Variants in PGGT1B observed in about 807,000 individuals in gnomAD.
PGGT1B encodes protein geranylgeranyltransferase type I subunit beta, also known as geranylgeranyl transferase type-1 subunit beta.
Under a neutral mutation model 46.1 loss-of-function variants are expected in PGGT1B, and 30 were observed. The observed-to-expected ratio is 0.65, with a 90% CI of 0.49 to 0.88. The LOEUF is 0.88. PGGT1B is among the 40% of genes least tolerant of loss of function. The pLI, the probability that PGGT1B is intolerant of heterozygous loss-of-function variation, is 0.00. For missense variants in PGGT1B, 376 were observed against 455.9 expected (o/e 0.82, Z 1.60); for synonymous variants, 170 against 160.0 (o/e 1.06, Z -0.47).
At chr5:115,224,023 A>G (rs952508099) in intron 6 of PGGT1B, among the ~76,000 whole-genome samples, 2 of 152,332 alleles carry the variant, frequency 1.3e-5, no homozygotes, top group East Asian at 3.9e-4. Flanking sequence ...GGTAGTTATC[A>G]TATTAGAAGT....
chr5:115,241,699 T>C, intron 2 of PGGT1B, 93 bp from the exon 3 acceptor site: 3 of 844,260 alleles, frequency 3.6e-6, no homozygotes, highest in East Asian at 3.1e-5. Flanking sequence ...AGAAACAGAC[T>C]ATTTTAGTCT....
chr5:115,218,631 G>C (rs1424128033), intron 7 of PGGT1B, among the ~76,000 whole-genome samples: 2 of 151,086 alleles, frequency 1.3e-5, no homozygotes, highest in Admixed American at 1.3e-4. Context: ...TCTGTACAAA[G>C]TATATCTCAG....
Position 115,204,196 on chromosome 5 carries a change from T to G in PGGT1B, c.*8206A>C, listed in dbSNP as rs554889950. ...ATCAACTGTTTCTACCCAAGCTGCT[T>G]TTTCTCTATCAGTGATTGGTTCTCA... On this transcript the variant is annotated 3_prime_UTR_variant, in exon 9 of 9. Coordinates refer to ENST00000419445, the MANE Select transcript of PGGT1B (RefSeq NM_005023.4). 6.6e-6 allele frequency: 1 copy of G among 152,262 alleles called. No homozygotes were observed. Among genetic ancestry groups the G allele is most frequent in the Admixed American group, 6.5e-5 (1 of 15,288 alleles). 9.4% of individuals were successfully genotyped at this position (152,262 alleles called of 1,614,324 possible).
At chr5:115,238,415 G>C (rs987236680) in intron 3 of PGGT1B, among the ~76,000 whole-genome samples, 1 of 143,220 alleles carries the variant, frequency 7.0e-6, no homozygotes, top group Non-Finnish European at 1.5e-5. Context: ...GTGATTCTCC[G>C]GCCTCAGCCT....
At chr5:115,252,366 A>G (rs373069905) in intron 2 of PGGT1B, among the ~76,000 whole-genome samples, 34 of 152,138 alleles carry the variant, frequency 2.2e-4, no homozygotes, top group South Asian at 6.2e-4. Context: ...CTTTCTTTCT[A>G]AGTAAAGTTT....
At chr5:115,221,242 G>T (rs573736272) in intron 7 of PGGT1B, among the ~76,000 whole-genome samples, 16 of 151,910 alleles carry the variant, frequency 1.1e-4, no homozygotes, top group Non-Finnish European at 2.1e-4. Flanking sequence ...AGATGAAAAG[G>T]CAACTTTAAG....
intron 8 of PGGT1B, among the ~76,000 whole-genome samples, chr5:115,215,266 G>C (rs1756379056): frequency 1.3e-5 from 2 of 152,014 alleles, no homozygotes; most frequent in African/African-American, 2.4e-5. Context: ...CCAAAGCTGG[G>C]ATTACAGGCG....
chr5:115,212,644 AT>A, intron 8 of PGGT1B, 61 bp from the exon 9 acceptor site: 1 of 1,167,600 alleles, frequency 8.6e-7, no homozygotes. Context: ...TCTACAGAAT[AT>A]TTTAGCCACA....
chr5:115,241,899 TTA>T (rs1350688302), intron 2 of PGGT1B, among the ~76,000 whole-genome samples: 3 of 152,194 alleles, frequency 2.0e-5, no homozygotes, highest in Non-Finnish European at 4.4e-5. Context: ...AGATCAATTT[TTA>T]TGTGATCAAC....
At position 115,204,037 on chromosome 5, in the gene PGGT1B, TTA is replaced by T. The variant is rs1174340420; in HGVS notation, c.*8363_*8364del. ...TTTTCTTTGCATATCTGAGTATTTATTATGTTTTCGATCCAGCTACCACACAC... is the reference window on the plus strand; with the variant it reads ...TTTTCTTTGCATATCTGAGTATTTATTGTTTTCGATCCAGCTACCACACAC... On this transcript the variant is annotated 3_prime_UTR_variant, in exon 9 of 9. Coordinates refer to ENST00000419445, the MANE Select transcript of PGGT1B (RefSeq NM_005023.4). 1 of 152,198 alleles carries T rather than the reference TTA, an allele frequency of 6.6e-6. No individual in the cohort carries two copies. Among genetic ancestry groups the T allele is most frequent in the Non-Finnish European group, 1.5e-5 (1 of 68,046 alleles). The allele number at this position is 152,198 out of a possible 1,614,324, so 9.4% of individuals were successfully genotyped here.
intron 5 of PGGT1B, among the ~76,000 whole-genome samples, chr5:115,231,354 G>A (rs1174703355): frequency 6.6e-6 from 1 of 151,934 alleles, no homozygotes; most frequent in Admixed American, 6.6e-5. Flanking sequence ...GTGAGCTGGA[G>A]GAAAATGTAA....
chr5:115,219,370 T>C (rs766902046), intron 7 of PGGT1B, among the ~76,000 whole-genome samples: 2 of 151,860 alleles, frequency 1.3e-5, no homozygotes, highest in Non-Finnish European at 2.9e-5. Context: ...TTTCAACAAA[T>C]GGTGCTAGGA....
intron 3 of PGGT1B, among the ~76,000 whole-genome samples, chr5:115,238,389 C>T (rs1343919823): frequency 7.0e-6 from 1 of 142,220 alleles, no homozygotes; most frequent in African/African-American, 2.6e-5. Context: ...CTGCAGTCTC[C>T]AACTCCTGGG....
At chr5:115,228,359 G>T (rs184018558) in intron 6 of PGGT1B, among the ~76,000 whole-genome samples, 1 of 152,288 alleles carries the variant, frequency 6.6e-6, no homozygotes, top group African/African-American at 2.4e-5. Context: ...GTTCTCATGA[G>T]GTTTAAGTGA....
chr5:115,243,460 T>C (rs1169306802), intron 2 of PGGT1B, among the ~76,000 whole-genome samples: 2 of 152,200 alleles, frequency 1.3e-5, no homozygotes, highest in African/African-American at 2.4e-5. Flanking sequence ...TAAATGTGCA[T>C]TTTTATGTTT....
chr5:115,243,203 T>A lies in PGGT1B; in HGVS notation c.260-1597A>T, dbSNP rs1757402154. Among the ~76,000 whole-genome samples, 2 of 152,200 alleles carry A rather than the reference T, an allele frequency of 1.3e-5. 1 individual carries two copies. The highest frequency in any genetic ancestry group is 2.9e-5 in the Non-Finnish European group (2 of 68,028). The stretch of plus-strand genomic sequence containing the variant: ...AGAAGTTATAAAAACACTCATAACC[T>A]TTTGACCTAGTCATGATATATCTGA... On this transcript the variant is annotated intron_variant, in intron 2 of 8. Coordinates refer to ENST00000419445, the MANE Select transcript of PGGT1B (RefSeq NM_005023.4).
chr5:115,219,256 A>G (rs1374710436), intron 7 of PGGT1B, among the ~76,000 whole-genome samples: 4 of 151,884 alleles, frequency 2.6e-5, no homozygotes, highest in Admixed American at 2.0e-4. Context: ...CAGCCATATA[A>G]AACAACAGAA....
chr5:115,220,909 G>A (rs979825653), intron 7 of PGGT1B, among the ~76,000 whole-genome samples: 2 of 151,918 alleles, frequency 1.3e-5, no homozygotes, highest in African/African-American at 4.8e-5. Context: ...TATGGATGAA[G>A]AAAGGGTAGC....
At chr5:115,227,571 AG>A (rs2127001342) in intron 6 of PGGT1B, among the ~76,000 whole-genome samples, 1 of 152,322 alleles carries the variant, frequency 6.6e-6, no homozygotes, top group South Asian at 2.1e-4. Flanking sequence ...ACAATCTGGC[AG>A]GTGACTGTGT....
Sources: gnomAD v4.1 joint callset for allele counts (sites outside exome capture counted in the v4.1 genomes callset) on GRCh38, gnomAD v4.1.1 for gene constraint, MANE v1.5 for transcripts, NCBI Gene and HGNC (gene_info 2026-07-23, HGNC 2026-07-21) for gene names.